ERBB4: variants seen among roughly 807,000 people sequenced by gnomAD.
The protein encoded by ERBB4 is erb-b2 receptor tyrosine kinase 4.
In ERBB4, 42 loss-of-function variants were observed where a neutral mutation model predicts 158.0. The observed-to-expected ratio is 0.27, with a 90% CI of 0.21 to 0.34. ERBB4 has a LOEUF of 0.34. Ranked by LOEUF, ERBB4 falls within the 10% of genes least tolerant of loss-of-function variation. The probability of loss-of-function intolerance (pLI) is 1.00; values close to 1 mark genes in which losing one functional copy is unlikely to be tolerated. For synonymous variants in ERBB4, 583 were observed against 558.7 expected (o/e 1.04, Z -0.61); for missense variants, 1,333 against 1,624.1 (o/e 0.82, Z 3.08).
chr2:211,978,011 T>C (rs1294534884), intron 2 of ERBB4, among the ~76,000 whole-genome samples: 1 of 150,932 alleles, frequency 6.6e-6, no homozygotes, highest in Non-Finnish European at 1.5e-5. Context: ...ACAGTAAATA[T>C]TCATCTTGCT....
intron 1 of ERBB4, among the ~76,000 whole-genome samples, chr2:212,537,522 T>C (rs914815458): frequency 6.6e-6 from 1 of 152,048 alleles, no homozygotes; most frequent in African/African-American, 2.4e-5. Flanking sequence ...CCCAGGTACC[T>C]GGGGCTCGAG....
chr2:212,425,423 T>A (rs1241906207), intron 1 of ERBB4, among the ~76,000 whole-genome samples: 1 of 149,560 alleles, frequency 6.7e-6, no homozygotes, highest in Non-Finnish European at 1.5e-5. Flanking sequence ...TATACACACA[T>A]ATGTATCCTT....
intron 3 of ERBB4, among the ~76,000 whole-genome samples, chr2:211,816,024 G>C (rs2076874368): frequency 6.6e-6 from 1 of 151,944 alleles, no homozygotes; most frequent in Non-Finnish European, 1.5e-5. Context: ...CTGGTTTTGA[G>C]GCTTTCTGAC....
intron 1 of ERBB4, among the ~76,000 whole-genome samples, chr2:212,241,169 T>A (rs1574500884): frequency 6.6e-6 from 1 of 151,888 alleles, no homozygotes; most frequent in Non-Finnish European, 1.5e-5. Context: ...AGGCAGGAGG[T>A]TCGCTTGAGC....
chr2:211,549,279 G>A (rs2067018790), intron 20 of ERBB4, among the ~76,000 whole-genome samples: 1 of 152,042 alleles, frequency 6.6e-6, no homozygotes, highest in South Asian at 2.1e-4. Context: ...TCTAGCAATG[G>A]AGGTGGGAAC....
chr2:211,773,591 T>C (rs1414809219), intron 4 of ERBB4, among the ~76,000 whole-genome samples: 1 of 83,504 alleles, frequency 1.2e-5, no homozygotes, highest in Non-Finnish European at 2.3e-5. Flanking sequence ...ATTATACTTC[T>C]GTAACTTTAT....
chr2:212,020,403 G>C (rs980353165), intron 2 of ERBB4, among the ~76,000 whole-genome samples: 1 of 151,986 alleles, frequency 6.6e-6, no homozygotes, highest in Admixed American at 6.6e-5. Flanking sequence ...GATATATCCA[G>C]GTTTACTGAA....
At chr2:211,952,000 A>G (rs2080886871) in intron 2 of ERBB4, among the ~76,000 whole-genome samples, 1 of 152,042 alleles carries the variant, frequency 6.6e-6, no homozygotes, top group South Asian at 2.1e-4. Context: ...AAAATAATGT[A>G]AATAATAGAA....
At chr2:211,678,888 A>G (rs1442737936) in intron 13 of ERBB4, among the ~76,000 whole-genome samples, 164 bp downstream of exon 13, 1 of 144,848 alleles carries the variant, frequency 6.9e-6, no homozygotes, top group Non-Finnish European at 1.5e-5. Context: ...AATGGCGTGA[A>G]CCCAGGAGGC....
At chr2:212,194,126 T>G (rs971982926) in intron 1 of ERBB4, among the ~76,000 whole-genome samples, 9 of 151,936 alleles carry the variant, frequency 5.9e-5, no homozygotes, top group Non-Finnish European at 1.3e-4. Context: ...CTTTTTATAG[T>G]CATGCAAAGC....
chr2:211,996,265 A>ATTTTT (rs1001972996), intron 2 of ERBB4, among the ~76,000 whole-genome samples: 1 of 148,606 alleles, frequency 6.7e-6, no homozygotes, highest in Non-Finnish European at 1.5e-5. Context: ...AATTTGGTTT[A>ATTTTT]TTTTTTTTTT....
At chr2:211,865,923 C>T (rs566446749) in intron 3 of ERBB4, among the ~76,000 whole-genome samples, 7 of 152,174 alleles carry the variant, frequency 4.6e-5, no homozygotes, top group African/African-American at 1.4e-4. Flanking sequence ...TAAACACACC[C>T]CTTTGAAGCC....
At chr2:212,474,365 G>A (rs567402417) in intron 1 of ERBB4, among the ~76,000 whole-genome samples, 16 of 152,222 alleles carry the variant, frequency 1.1e-4, no homozygotes, top group Admixed American at 8.5e-4. Context: ...AAGTGACACT[G>A]ACTGTGCCTG....
At chr2:211,573,502 C>G (rs2067797902) in intron 19 of ERBB4, among the ~76,000 whole-genome samples, 1 of 151,946 alleles carries the variant, frequency 6.6e-6, no homozygotes, top group East Asian at 1.9e-4. Flanking sequence ...AACCCTGTCT[C>G]TACTAAAAGT....
chr2:211,549,586 C>G (rs1415113894), intron 20 of ERBB4, among the ~76,000 whole-genome samples: 1 of 152,116 alleles, frequency 6.6e-6, no homozygotes. Flanking sequence ...AGCCTCATCA[C>G]CCTAGTCACC....
chr2:211,418,976 TTG>T (rs2125399991), intron 25 of ERBB4, among the ~76,000 whole-genome samples: 1 of 152,268 alleles, frequency 6.6e-6, no homozygotes, highest in South Asian at 2.1e-4. Context: ...GTCTCCATCT[TTG>T]TCTCTTTCCA....
intron 1 of ERBB4, among the ~76,000 whole-genome samples, chr2:212,464,166 G>T (rs1043064678): frequency 6.6e-6 from 1 of 152,022 alleles, no homozygotes; most frequent in Non-Finnish European, 1.5e-5. Flanking sequence ...AGCTGGGAAT[G>T]ATTAAAAATA....
At chr2:211,843,433 A>ACC (rs1318800332) in intron 3 of ERBB4, among the ~76,000 whole-genome samples, 1 of 151,890 alleles carries the variant, frequency 6.6e-6, no homozygotes, top group Non-Finnish European at 1.5e-5. Context: ...ACACACACAC[A>ACC]CACAGCATCA....
chr2:211,881,309 G>A (rs1221397121), intron 3 of ERBB4, among the ~76,000 whole-genome samples: 1 of 152,146 alleles, frequency 6.6e-6, no homozygotes, highest in Non-Finnish European at 1.5e-5. Context: ...GGGCAAAAGA[G>A]TCATCGGCAG....
Sources: allele counts gnomAD v4.1 joint callset (sites outside exome capture counted in the v4.1 genomes callset), GRCh38; gene constraint gnomAD v4.1.1; transcripts MANE v1.5; gene names NCBI Gene and HGNC (gene_info 2026-07-23, HGNC 2026-07-21).